Variants in NSMAF observed in about 807,000 individuals in gnomAD.
The protein encoded by NSMAF is neutral sphingomyelinase activation associated factor, also known as protein FAN.
Under a neutral mutation model 134.9 loss-of-function variants are expected in NSMAF, and 90 were observed. The observed-to-expected ratio is 0.67, with a 90% CI of 0.56 to 0.79. The LOEUF is 0.79. NSMAF is among the 30% of genes least tolerant of loss of function. The pLI is 0.00. For missense variants in NSMAF, 1,010 were observed against 1,119.0 expected, an observed-to-expected ratio of 0.90 and a Z score of 1.39; for synonymous variants, 358 against 389.6, an observed-to-expected ratio of 0.92 and a Z score of 0.96.
intron 1 of NSMAF, among the ~76,000 whole-genome samples, chr8:58,649,822 C>T (rs1807543287): frequency 6.6e-6 from 1 of 152,196 alleles, no homozygotes; most frequent in Non-Finnish European, 1.5e-5. Flanking sequence ...CATGCCAGTG[C>T]CATCCTTCTT....
intron 9 of NSMAF, among the ~76,000 whole-genome samples, chr8:58,610,784 A>G (rs142178137): frequency 6.6e-6 from 1 of 152,162 alleles, no homozygotes; most frequent in Admixed American, 6.5e-5. Context: ...AAACAAGGGA[A>G]ATCTCCCACA....
chr8:58,585,317 G>GTTATTTTTTTTTTTAT (rs1554572269), intron 30 of NSMAF, among the ~76,000 whole-genome samples: 3 of 144,330 alleles, frequency 2.1e-5, no homozygotes, highest in African/African-American at 7.7e-5. Flanking sequence ...TTGTTTCTGG[G>GTTATTTTTTTTTTTAT]TTTTTTTTTT....
intron 16 of NSMAF, 163 bp downstream of exon 16, chr8:58,601,122 C>T (rs1042272351): frequency 1.6e-6 from 1 of 613,196 alleles, no homozygotes; most frequent in Non-Finnish European, 2.9e-6. Flanking sequence ...CATTTACACA[C>T]ACATATACAT....
intron 23 of NSMAF, among the ~76,000 whole-genome samples, chr8:58,591,171 A>G (rs529501466): frequency 1.5e-3 from 236 of 152,324 alleles, no homozygotes; most frequent in Middle Eastern, 3.4e-3. Flanking sequence ...CAGCACAGAC[A>G]TGGTAGGTAT....
intron 7 of NSMAF, 41 bp from the exon 8 acceptor site, chr8:58,623,465 A>G: frequency 1.3e-6 from 2 of 1,580,054 alleles, no homozygotes; most frequent in Non-Finnish European, 1.7e-6. Context: ...TTTTTCTCTC[A>G]GATGATATGA....
chr8:58,618,159 C>T (rs542888734), intron 9 of NSMAF, among the ~76,000 whole-genome samples: 4 of 151,774 alleles, frequency 2.6e-5, no homozygotes, highest in Admixed American at 6.6e-5. Flanking sequence ...TGGGGCCTGT[C>T]GTGGGGTGGG....
At chr8:58,600,250 T>C (rs1343900316) in intron 16 of NSMAF, 6 of 539,200 alleles carry the variant, frequency 1.1e-5, no homozygotes, top group Admixed American at 3.4e-5. Context: ...GGGCATAGAG[T>C]CCGAGTCCAC....
chr8:58,659,090 G>C, intron 1 of NSMAF: 1 of 945,760 alleles, frequency 1.1e-6, no homozygotes, highest in Non-Finnish European at 1.5e-6. Context: ...TCGCCGGCCT[G>C]CTCGGTGCCG....
chr8:58,620,824 T>C (rs1033259893), intron 9 of NSMAF, among the ~76,000 whole-genome samples: 3 of 152,232 alleles, frequency 2.0e-5, no homozygotes, highest in Non-Finnish European at 1.5e-5. Flanking sequence ...AATGGGGGTC[T>C]GGGAAAATGC....
At chr8:58,600,621 C>CAAA (rs35209612) in intron 16 of NSMAF, among the ~76,000 whole-genome samples, 2,985 of 44,580 alleles carry the variant, frequency 0.067, 538 homozygotes, top group African/African-American at 0.17. Context: ...GACTCTGTCT[C>CAAA]AAAAAAAAAA....
In NSMAF at chr8:58,603,426, G is replaced by A. The variant is rs780475483; in HGVS notation, c.869-40C>T. The A allele has an allele frequency of 1.1e-5, 17 of 1,600,660 alleles. No individual in the cohort carries two copies. The Admixed American group carries it at 1.7e-4, about 16-fold the overall frequency. On this transcript the variant is annotated intron_variant, in intron 12 of 30. Transcript: ENST00000038176. ...CCCACGAGGTCTGCCACTTAACTTC[G>A]CAAACTTAGTATGCAAAAGCTAGGG...
intron 6 of NSMAF, 46 bp from the exon 7 acceptor site, chr8:58,623,826 T>C (rs1401028451): frequency 6.9e-7 from 1 of 1,440,186 alleles, no homozygotes; most frequent in East Asian, 2.3e-5. Flanking sequence ...AGAAGAAGTG[T>C]GCCAAACTAT....
chr8:58,587,619 C>T lies in NSMAF; in HGVS notation c.2294G>A (p.Ser765Asn). 1 of 1,613,956 alleles carries T rather than the reference C, an allele frequency of 6.2e-7. No individual in the cohort carries two copies. Among genetic ancestry groups the T allele is most frequent in the South Asian group, 1.1e-5 (1 of 91,066 alleles). ...DLLAELEHDV[S>N]VDTISLNAAS... ...GTACAGTTTGTTGCTGGTACTCACA[C>T]TGACATCATGTTCCAGCTCGGCCAG... Residue 765 changes from serine to asparagine, a missense_variant and splice_region_variant, in exon 27 of 31, where the codon AGT (serine) becomes AAT (asparagine). Physicochemically the swap from Ser to Asn is conservative, Grantham distance 46. Coordinates refer to ENST00000038176, the MANE Select transcript of NSMAF (RefSeq NM_003580.4).
At chr8:58,641,704 C>A (rs912814979) in intron 2 of NSMAF, among the ~76,000 whole-genome samples, 4 of 152,188 alleles carry the variant, frequency 2.6e-5, no homozygotes, top group African/African-American at 9.7e-5. Context: ...GCTATAATAA[C>A]CTTGTGCATA....
Position 58,603,308 on chromosome 8 carries a change from A to C in NSMAF, c.947T>G (p.Leu316Arg). The change falls in exon 13 of 31, where the codon CTC (leucine) becomes CGC (arginine). Residue 316 changes from leucine (L) to arginine (R), a missense_variant. Leu to Arg is a moderately radical substitution (Grantham distance 102, BLOSUM62 -2). Coordinates refer to ENST00000038176, the MANE Select transcript of NSMAF (RefSeq NM_003580.4). ...QRGHLSNYQY[L>R]LHLNNLADRS... ...GTCGGCCAGGTTGTTGAGGTGAAGG[A>C]GGTACTGATAGTTGGAAAGGTGTCC... is the stretch of plus-strand genomic sequence containing the variant. 6.2e-7 allele frequency: 1 copy of C among 1,614,150 alleles called. No homozygotes were observed. The highest frequency in any genetic ancestry group is 8.5e-7 in the Non-Finnish European group (1 of 1,180,024).
chr8:58,614,095 C>G, intron 9 of NSMAF, among the ~76,000 whole-genome samples: 1 of 152,242 alleles, frequency 6.6e-6, no homozygotes, highest in South Asian at 2.1e-4. Context: ...ATGATGTCCT[C>G]ACAATGACCA....
At chr8:58,601,095 C>T (rs1585733549) in intron 16 of NSMAF, 190 bp downstream of exon 16, 1 of 479,358 alleles carries the variant, frequency 2.1e-6, no homozygotes, top group Non-Finnish European at 3.7e-6. Flanking sequence ...AAAAGCTGTA[C>T]ATAAAATATG....
intron 1 of NSMAF, among the ~76,000 whole-genome samples, chr8:58,652,156 T>C (rs1219045146): frequency 6.6e-6 from 1 of 150,940 alleles, no homozygotes; most frequent in East Asian, 1.9e-4. Flanking sequence ...GCAGGATAGA[T>C]GAAGAAAAAA....
chr8:58,637,667 T>C (rs896911044), intron 2 of NSMAF, among the ~76,000 whole-genome samples: 20 of 152,166 alleles, frequency 1.3e-4, no homozygotes, highest in African/African-American at 4.3e-4. Context: ...ACAAAATCAA[T>C]ATACAAAAAA....
Sources: allele counts gnomAD v4.1 joint callset (sites outside exome capture counted in the v4.1 genomes callset), GRCh38; gene constraint gnomAD v4.1.1; transcripts MANE v1.5; gene names NCBI Gene and HGNC (gene_info 2026-07-23, HGNC 2026-07-21).